Variants in PLA2G4A observed in about 807,000 individuals in gnomAD.
The protein encoded by PLA2G4A is phospholipase A2 group IVA.
Under a neutral mutation model 81.9 loss-of-function variants are expected in PLA2G4A, and 40 were observed. The ratio of observed to expected loss-of-function variants is 0.49; its 90% confidence interval spans 0.38 to 0.64. The LOEUF (loss-of-function observed/expected upper bound fraction) is 0.64. Among genes scored for constraint, PLA2G4A ranks in the 30% least tolerant of loss-of-function variants. The pLI, the probability that PLA2G4A is intolerant of heterozygous loss-of-function variation, is 0.00. For synonymous variants in PLA2G4A, 302 were observed against 296.9 expected (o/e 1.02, Z -0.18); for missense variants, 715 against 905.1 (o/e 0.79, Z 2.69).
intron 1 of PLA2G4A, among the ~76,000 whole-genome samples, chr1:186,847,970 C>T (rs755442208): frequency 5.3e-5 from 8 of 152,136 alleles, no homozygotes; most frequent in Non-Finnish European, 5.9e-5. Flanking sequence ...AGAAAGAAAA[C>T]ATGTATGAGT....
At chr1:186,901,209 G>T (rs12720542) in intron 5 of PLA2G4A, among the ~76,000 whole-genome samples, 191 of 152,302 alleles carry the variant, frequency 1.3e-3, no homozygotes, top group African/African-American at 4.3e-3. Context: ...AGATATTGTT[G>T]CAGGACAGAG....
At chr1:186,937,554 A>G (rs6425059) in intron 8 of PLA2G4A, among the ~76,000 whole-genome samples, 46,369 of 151,350 alleles carry the variant, frequency 0.31, 9,623 homozygotes, top group African/African-American at 0.59. Context: ...TACAAAAATC[A>G]TTTAAAGTTT....
intron 10 of PLA2G4A, among the ~76,000 whole-genome samples, chr1:186,945,592 T>C (rs1359334131): frequency 3.9e-5 from 6 of 152,112 alleles, no homozygotes; most frequent in Admixed American, 1.3e-4. Flanking sequence ...GTTCTAAACA[T>C]ACCTCGTGAT....
chr1:186,838,053 G>T (rs1286055336), intron 1 of PLA2G4A, among the ~76,000 whole-genome samples: 1 of 152,132 alleles, frequency 6.6e-6, no homozygotes, highest in Non-Finnish European at 1.5e-5. Flanking sequence ...AGTGGGAGTT[G>T]GGGTGGGGTG....
At chr1:186,955,609 G>T (rs1656717485) in intron 13 of PLA2G4A, among the ~76,000 whole-genome samples, 1 of 151,980 alleles carries the variant, frequency 6.6e-6, no homozygotes, top group African/African-American at 2.4e-5. Flanking sequence ...TAGGTAAAAG[G>T]AGAACTAAGA....
intron 7 of PLA2G4A, among the ~76,000 whole-genome samples, chr1:186,918,797 A>T (rs1655239356): frequency 6.6e-6 from 1 of 152,232 alleles, no homozygotes; most frequent in South Asian, 2.1e-4. Flanking sequence ...AAGCTTTGGT[A>T]CTTGGTTAAT....
intron 1 of PLA2G4A, among the ~76,000 whole-genome samples, chr1:186,853,417 C>A (rs1225791258): frequency 1.3e-5 from 2 of 151,676 alleles, no homozygotes; most frequent in African/African-American, 4.8e-5. Context: ...GAGCAGGAAT[C>A]ATTTTTATAT....
intron 15 of PLA2G4A, among the ~76,000 whole-genome samples, chr1:186,966,094 G>C (rs1346658964): frequency 6.9e-6 from 1 of 145,060 alleles, no homozygotes. Flanking sequence ...TCAGACCAGA[G>C]TGGTTTGAGG....
At chr1:186,848,230 A>C (rs540670306) in intron 1 of PLA2G4A, among the ~76,000 whole-genome samples, 2 of 152,254 alleles carry the variant, frequency 1.3e-5, no homozygotes, top group African/African-American at 4.8e-5. Flanking sequence ...TGAAAGAAAG[A>C]CTCAGCTTTA....
chr1:186,875,865 C>G (rs144642468), intron 3 of PLA2G4A, among the ~76,000 whole-genome samples: 40 of 152,216 alleles, frequency 2.6e-4, no homozygotes, highest in African/African-American at 9.4e-4. Context: ...TTAGGTAAAT[C>G]CTTGCTGCTA....
rs550064130 is a variant in PLA2G4A, at chr1:186,939,501, A to C, written c.918+271A>C. Among the ~76,000 whole-genome samples the C allele has an allele frequency of 6.7e-3, 958 of 142,830 alleles. 14 individuals are homozygous for C. Among genetic ancestry groups the C allele is most frequent in the African/African-American group, 0.025 (885 of 35,060 alleles). The allele number at this position is 142,830 out of a possible 152,430, so 93.7% of individuals were successfully genotyped here. On this transcript the variant is annotated intron_variant, in intron 9 of 17. Transcript: ENST00000367466. ...GTATTCCTTTTCTCTGGAAAAAAAA[A>C]AAAAAAAAAAAATTCACATTTTAAC...
chr1:186,876,783 C>T (rs1260682458), intron 3 of PLA2G4A, among the ~76,000 whole-genome samples: 3 of 152,076 alleles, frequency 2.0e-5, no homozygotes, highest in African/African-American at 7.2e-5. Context: ...GTACAATGCA[C>T]AAGAAGCATG....
chr1:186,941,849 T>A (rs1203003145), intron 10 of PLA2G4A, among the ~76,000 whole-genome samples: 2 of 152,336 alleles, frequency 1.3e-5, no homozygotes, highest in South Asian at 4.1e-4. Context: ...ACACTGTCAT[T>A]TTGACCAAGT....
intron 3 of PLA2G4A, among the ~76,000 whole-genome samples, chr1:186,887,174 C>T (rs148747784): frequency 1.3e-5 from 2 of 151,944 alleles, no homozygotes; most frequent in Non-Finnish European, 2.9e-5. Context: ...GAGGACTTTC[C>T]CCTTTGGGAT....
intron 15 of PLA2G4A, 96 bp downstream of exon 15, chr1:186,965,689 T>A: frequency 1.1e-6 from 1 of 879,210 alleles, no homozygotes; most frequent in Non-Finnish European, 1.9e-6. Flanking sequence ...CTTATTCCTT[T>A]AATGTATTTT....
In PLA2G4A at chr1:186,842,314, A is replaced by T. The variant is rs374422924; in HGVS notation, c.-69-11972A>T. On this transcript the variant is annotated intron_variant, in intron 1 of 17. Coordinates refer to ENST00000367466, the MANE Select transcript of PLA2G4A (RefSeq NM_024420.3). The stretch of plus-strand genomic sequence containing the variant: ...TGCTTTGGCCTCCCAAAGGGCTAGG[A>T]TTACAGGTGTGAGCCACTGCGCCCG... Among the ~76,000 whole-genome samples the T allele has an allele frequency of 1.8e-4, 28 of 152,174 alleles. No individual in the cohort carries two copies. In the East Asian group the frequency reaches 4.6e-3, roughly 25 times the overall value.
At chr1:186,936,441 T>C (rs1655948014) in intron 8 of PLA2G4A, among the ~76,000 whole-genome samples, 1 of 151,950 alleles carries the variant, frequency 6.6e-6, no homozygotes, top group South Asian at 2.1e-4. Context: ...GCTTAATCAC[T>C]GAATGAAGAG....
intron 15 of PLA2G4A, among the ~76,000 whole-genome samples, chr1:186,972,594 T>C (rs1657395226): frequency 6.6e-6 from 1 of 152,186 alleles, no homozygotes. Context: ...TAAATTAAGT[T>C]ATATTGTGTT....
chr1:186,977,527 TG>T, intron 15 of PLA2G4A, 65 bp from the exon 16 acceptor site: 2 of 1,057,758 alleles, frequency 1.9e-6, no homozygotes, highest in Non-Finnish European at 2.9e-6. Context: ...CACTGAATTA[TG>T]GTCAGACCAA....
Sources: gnomAD v4.1 joint callset for allele counts (sites outside exome capture counted in the v4.1 genomes callset) on GRCh38, gnomAD v4.1.1 for gene constraint, MANE v1.5 for transcripts, NCBI Gene and HGNC (gene_info 2026-07-23, HGNC 2026-07-21) for gene names.